STK3: variants seen among roughly 807,000 people sequenced by gnomAD.
STK3 encodes the protein serine/threonine kinase 3, also known as serine/threonine-protein kinase 3.
STK3 carries 41 observed loss-of-function variants against 58.0 expected under a neutral mutation model. The observed-to-expected ratio is 0.71, with a 90% CI of 0.55 to 0.92. The LOEUF (loss-of-function observed/expected upper bound fraction) is 0.92. STK3 is among the 40% of genes least tolerant of loss of function. The pLI, the probability that STK3 is intolerant of heterozygous loss-of-function variation, is 0.00. For missense variants in STK3, 479 were observed against 602.7 expected, an observed-to-expected ratio of 0.79 and a Z score of 2.15; for synonymous variants, 170 against 191.0, an observed-to-expected ratio of 0.89 and a Z score of 0.91.
At chr8:98,900,861 C>T (rs1002444566) in intron 1 of STK3, among the ~76,000 whole-genome samples, 6 of 151,884 alleles carry the variant, frequency 4.0e-5, no homozygotes, top group Non-Finnish European at 7.4e-5. Context: ...AGGATTTCAG[C>T]ATGTTGGCCA....
chr8:98,824,392 T>C (rs867099074), intron 1 of STK3, among the ~76,000 whole-genome samples: 47 of 152,196 alleles, frequency 3.1e-4, no homozygotes, highest in Admixed American at 1.3e-4. Context: ...TGCACTTCAA[T>C]TCAGAGTTGT....
intron 3 of STK3, among the ~76,000 whole-genome samples, chr8:98,868,279 C>T (rs1837220158): frequency 6.6e-6 from 1 of 152,224 alleles, no homozygotes; most frequent in Non-Finnish European, 1.5e-5. Flanking sequence ...CTATTCAATT[C>T]TCAAAGAAGT....
chr8:98,782,587 G>A, intron 1 of STK3: 1 of 291,414 alleles, frequency 3.4e-6, no homozygotes, highest in South Asian at 4.2e-5. Flanking sequence ...AGAAGGAAGA[G>A]AGCATCAAGA....
intron 6 of STK3, among the ~76,000 whole-genome samples, chr8:98,622,979 AC>A (rs1184992723): frequency 2.6e-5 from 4 of 152,216 alleles, no homozygotes; most frequent in Admixed American, 1.3e-4. Flanking sequence ...ATATTTACAT[AC>A]CGATAAAAGA....
chr8:98,480,283 T>G (rs1821742009), intron 10 of STK3, among the ~76,000 whole-genome samples: 1 of 151,390 alleles, frequency 6.6e-6, no homozygotes, highest in Non-Finnish European at 1.5e-5. Flanking sequence ...ATAAAAAAGT[T>G]GTGAAAGGAG....
At chr8:98,403,973 G>A (rs1018905211) in intron 3 of STK3, among the ~76,000 whole-genome samples, 2 of 152,278 alleles carry the variant, frequency 1.3e-5, no homozygotes, top group Admixed American at 6.5e-5. Flanking sequence ...AGTTGACTTG[G>A]TTGAACTCAC....
chr8:98,846,101 C>A (rs2131819792), intron 3 of STK3, among the ~76,000 whole-genome samples: 1 of 152,322 alleles, frequency 6.6e-6, no homozygotes, highest in African/African-American at 2.4e-5. Context: ...GACCCATAAC[C>A]CTCTTCCAAA....
intron 8 of STK3, among the ~76,000 whole-genome samples, chr8:98,554,787 G>A (rs916310893): frequency 2.0e-5 from 3 of 151,996 alleles, no homozygotes; most frequent in Admixed American, 2.0e-4. Flanking sequence ...TTAAGCCACA[G>A]CTTTTACTTT....
chr8:98,845,756 C>A (rs747379843), intron 3 of STK3, among the ~76,000 whole-genome samples: 1 of 152,182 alleles, frequency 6.6e-6, no homozygotes, highest in Non-Finnish European at 1.5e-5. Context: ...TTCATTGAAG[C>A]CAGTTTAAGC....
chr8:98,893,781 G>A (rs542847286), intron 1 of STK3, among the ~76,000 whole-genome samples: 71 of 152,304 alleles, frequency 4.7e-4, no homozygotes, highest in Non-Finnish European at 8.8e-4. Context: ...AATGACTGTG[G>A]CCTGTGCCAT....
chr8:98,741,575 C>T (rs560736859), intron 4 of STK3, among the ~76,000 whole-genome samples: 1 of 152,238 alleles, frequency 6.6e-6, no homozygotes, highest in Non-Finnish European at 1.5e-5. Flanking sequence ...ATACCAGAAT[C>T]GCTGGGACAC....
intron 2 of STK3, among the ~76,000 whole-genome samples, chr8:98,374,665 G>T (rs527499259): frequency 4.6e-5 from 7 of 152,222 alleles, no homozygotes; most frequent in African/African-American, 1.7e-4. Context: ...AGCTAAAACA[G>T]ATCCAAGGCT....
chr8:98,390,539 A>G (rs1329322389), upstream of STK3, among the ~76,000 whole-genome samples: 1 of 152,016 alleles, frequency 6.6e-6, no homozygotes, highest in African/African-American at 2.4e-5. Context: ...GATTCATTCA[A>G]TTTCTTGAAT....
chr8:98,878,060 CTTTT>C (rs59671452), intron 3 of STK3, among the ~76,000 whole-genome samples: 1 of 138,146 alleles, frequency 7.2e-6, no homozygotes, highest in Non-Finnish European at 1.6e-5. Flanking sequence ...AAAAGAAAAT[CTTTT>C]TTTTTTTTTT....
At chr8:98,872,619 A>C (rs139669649) in intron 3 of STK3, among the ~76,000 whole-genome samples, 5,791 of 152,166 alleles carry the variant, frequency 0.038, 136 homozygotes, top group South Asian at 0.067. Flanking sequence ...TTTCTAGTTT[A>C]TTTGTGTAGA....
rs1823236112 is a variant in STK3 at position 98,676,663 on chromosome 8, CA to C, written c.684+29803del. On this transcript the variant is annotated intron_variant, in intron 6 of 10. Transcript: ENST00000419617. ...GTAAATTTTGTTAAGTGTATTTTGC[CA>C]CAATAAAAAAGTAAAAAAAAATAAG... 2.0e-5 allele frequency among the ~76,000 whole-genome samples: 3 copies of C among 150,856 alleles called. No individual in the cohort carries two copies. In the South Asian group the frequency reaches 6.3e-4, roughly 32 times the overall value.
chr8:98,477,123 G>C (rs777103689), intron 10 of STK3, among the ~76,000 whole-genome samples: 1 of 152,116 alleles, frequency 6.6e-6, no homozygotes, highest in Non-Finnish European at 1.5e-5. Context: ...TATCTTCCTC[G>C]TTACTTCTCT....
intron 2 of STK3, among the ~76,000 whole-genome samples, chr8:98,377,694 C>T (rs1817689171): frequency 6.6e-6 from 1 of 152,040 alleles, no homozygotes; most frequent in African/African-American, 2.4e-5. Flanking sequence ...TTTAAAGGCC[C>T]ACACCCAACT....
intron 10 of STK3, among the ~76,000 whole-genome samples, chr8:98,464,581 A>G (rs1435976572): frequency 2.0e-5 from 3 of 151,292 alleles, no homozygotes; most frequent in Non-Finnish European, 3.0e-5. Flanking sequence ...AAGAAAGAAA[A>G]AAAAAGAAAA....
Sources: allele counts gnomAD v4.1 joint callset (sites outside exome capture counted in the v4.1 genomes callset), GRCh38; gene constraint gnomAD v4.1.1; transcripts MANE v1.5; gene names NCBI Gene and HGNC (gene_info 2026-07-23, HGNC 2026-07-21).